The following UBE2V2 variants were observed in gnomAD, a reference collection of about 807,000 sequenced individuals.
UBE2V2 encodes ubiquitin-conjugating enzyme E2 variant 2.
Under a neutral mutation model 17.2 loss-of-function variants are expected in UBE2V2, and 9 were observed. That is an observed-to-expected ratio of 0.52 (90% CI 0.32 to 0.91). The LOEUF (loss-of-function observed/expected upper bound fraction) is 0.91. Ranked by LOEUF, UBE2V2 falls within the 40% of genes least tolerant of loss-of-function variation. UBE2V2 has a pLI of 0.04. For missense variants in UBE2V2, 133 were observed against 182.6 expected (o/e 0.73, Z 1.56); for synonymous variants, 61 against 57.5 (o/e 1.06, Z -0.28).
chr8:48,057,018 G>T (rs1247421598), intron 3 of UBE2V2, among the ~76,000 whole-genome samples: 1 of 151,952 alleles, frequency 6.6e-6, no homozygotes, highest in Non-Finnish European at 1.5e-5. Flanking sequence ...GAGCCACCAC[G>T]CCTGGCCTGT....
chr8:48,023,334 G>A (rs1439659765), intron 1 of UBE2V2, among the ~76,000 whole-genome samples: 1 of 151,766 alleles, frequency 6.6e-6, no homozygotes, highest in African/African-American at 2.4e-5. Context: ...TCCTGCCTCA[G>A]CCTCCTGAGT....
chr8:48,010,893 A>ATTTTTTTTTTTTTTT (rs765787547), intron 1 of UBE2V2, among the ~76,000 whole-genome samples: 1 of 106,294 alleles, frequency 9.4e-6, no homozygotes, highest in Non-Finnish European at 2.0e-5. Context: ...TTTTTTTTGT[A>ATTTTTTTTTTTTTTT]TTTTTTTTTT....
intron 1 of UBE2V2, among the ~76,000 whole-genome samples, chr8:48,008,772 C>T (rs1056736482): frequency 5.3e-5 from 8 of 151,862 alleles, no homozygotes; most frequent in African/African-American, 1.9e-4. Context: ...AGGCTGAAGG[C>T]TCTACGGGAG....
chr8:48,018,778 C>T (rs757713201), intron 1 of UBE2V2, among the ~76,000 whole-genome samples: 3 of 152,174 alleles, frequency 2.0e-5, no homozygotes, highest in African/African-American at 7.2e-5. Context: ...TACTGTAGTA[C>T]AACCTATCTT....
intron 2 of UBE2V2, 161 bp from the exon 3 acceptor site, chr8:48,049,692 A>G: frequency 1.7e-6 from 1 of 576,218 alleles, no homozygotes. Flanking sequence ...TTTTCTCACC[A>G]TATAGGTGAA....
Position 48,062,386 on chromosome 8 carries a change from G to A in UBE2V2, c.*1558G>A, listed in dbSNP as rs752174750. The A allele has an allele frequency of 1.3e-5, 2 of 152,142 alleles. No individual in the cohort carries two copies. Among genetic ancestry groups the A allele is most frequent in the South Asian group, 2.1e-4 (1 of 4,820 alleles). 9.4% of individuals were successfully genotyped at this position (152,142 alleles called of 1,614,324 possible). On this transcript the variant is annotated 3_prime_UTR_variant, in exon 4 of 4. Transcript: ENST00000523111. ...ACGGGCAGATCACTTGAGGTCAGGA[G>A]CTTGAGACCAGCCTGGCCAACATGA...
upstream of UBE2V2, among the ~76,000 whole-genome samples, chr8:48,006,801 G>C (rs911947549): frequency 6.6e-6 from 1 of 152,046 alleles, no homozygotes. Context: ...AAAATAATAA[G>C]AGCTATTTAC....
At chr8:48,050,213 T>C in intron 3 of UBE2V2, 1 of 277,746 alleles carries the variant, frequency 3.6e-6, no homozygotes, top group Non-Finnish European at 6.6e-6. Context: ...AATAGATGCA[T>C]GTGGTGGTTA....
intron 1 of UBE2V2, among the ~76,000 whole-genome samples, chr8:48,015,370 CTG>C (rs1371988925): frequency 6.6e-6 from 1 of 151,740 alleles, no homozygotes; most frequent in African/African-American, 2.4e-5. Context: ...GAGCAAGACA[CTG>C]TGTCAAAAAA....
upstream of UBE2V2, among the ~76,000 whole-genome samples, chr8:48,007,608 T>C (rs1589845876): frequency 6.9e-6 from 1 of 145,878 alleles, no homozygotes; most frequent in African/African-American, 2.6e-5. Flanking sequence ...AGAGACTAGG[T>C]ATCACTATGT....
chr8:48,053,900 G>C (rs1172206220), intron 3 of UBE2V2, among the ~76,000 whole-genome samples: 1 of 151,540 alleles, frequency 6.6e-6, no homozygotes, highest in African/African-American at 2.4e-5. Flanking sequence ...TTCCTCCTGG[G>C]TTCAAGCGAT....
In UBE2V2 at chr8:48,035,631, T is replaced by TTGTGTGTGTG. The variant is rs201716659; in HGVS notation, c.17-7382_17-7373dup. 1.2e-4 allele frequency among the ~76,000 whole-genome samples: 13 copies of TTGTGTGTGTG among 109,540 alleles called. No individual in the cohort carries two copies. The East Asian group carries it at 2.1e-3, about 18-fold the overall frequency. The allele number at this position is 109,540 out of a possible 152,430, so 71.9% of individuals were successfully genotyped here. On this transcript the variant is annotated intron_variant, in intron 1 of 3. Coordinates refer to ENST00000523111, the MANE Select transcript of UBE2V2 (RefSeq NM_003350.3). ...TTTAAAAATTATTGTTTTTTTTTTT[T>TTGTGTGTGTG]TGTGTGTGTGTGTGTGTGTGTGTGT... is the stretch of plus-strand genomic sequence containing the variant.
chr8:48,033,515 TTG>T (rs2091398947), intron 1 of UBE2V2, among the ~76,000 whole-genome samples: 1 of 152,074 alleles, frequency 6.6e-6, no homozygotes, highest in African/African-American at 2.4e-5. Context: ...ATAAAATTTA[TTG>T]TGTGTATTTA....
At chr8:48,031,481 G>A (rs2091382733) in intron 1 of UBE2V2, among the ~76,000 whole-genome samples, 1 of 152,082 alleles carries the variant, frequency 6.6e-6, no homozygotes, top group Non-Finnish European at 1.5e-5. Flanking sequence ...TGGGGGTAGG[G>A]TGGTTTTGGT....
intron 1 of UBE2V2, among the ~76,000 whole-genome samples, chr8:48,018,346 T>C (rs2091283604): frequency 6.6e-6 from 1 of 152,248 alleles, no homozygotes; most frequent in South Asian, 2.1e-4. Context: ...CTTTGTATGC[T>C]GTGTGTTTCA....
intron 1 of UBE2V2, among the ~76,000 whole-genome samples, chr8:48,021,733 G>C (rs1416851025): frequency 6.6e-6 from 1 of 151,250 alleles, no homozygotes; most frequent in African/African-American, 2.4e-5. Context: ...TGTCACCCAG[G>C]CTGGAGTGCA....
intron 2 of UBE2V2, among the ~76,000 whole-genome samples, chr8:48,045,366 G>A (rs1046392981): frequency 9.2e-5 from 14 of 152,298 alleles, no homozygotes; most frequent in African/African-American, 3.4e-4. Context: ...ATGCAACAGC[G>A]TGATTGGATC....
chr8:48,021,138 C>T (rs1166694928), intron 1 of UBE2V2, among the ~76,000 whole-genome samples: 4 of 147,006 alleles, frequency 2.7e-5, no homozygotes, highest in South Asian at 4.3e-4. Context: ...AGTGCAATGG[C>T]GTGATCCCGG....
chr8:48,048,581 G>A (rs980255186), intron 2 of UBE2V2, among the ~76,000 whole-genome samples: 1 of 151,964 alleles, frequency 6.6e-6, no homozygotes, highest in Non-Finnish European at 1.5e-5. Flanking sequence ...AAAGTGCTGG[G>A]GATATTATTA....
Sources: gnomAD v4.1 joint callset for allele counts (sites outside exome capture counted in the v4.1 genomes callset) on GRCh38, gnomAD v4.1.1 for gene constraint, MANE v1.5 for transcripts, NCBI Gene and HGNC (gene_info 2026-07-23, HGNC 2026-07-21) for gene names.